Variants in KREMEN1 observed in about 807,000 individuals in gnomAD.
The protein encoded by KREMEN1 is kremen protein 1.
KREMEN1 carries 30 observed loss-of-function variants against 46.5 expected under a neutral mutation model. The observed-to-expected ratio is 0.65, with a 90% confidence interval of 0.48 to 0.88. The LOEUF (loss-of-function observed/expected upper bound fraction) is 0.88. Among genes scored for constraint, KREMEN1 ranks in the 40% least tolerant of loss-of-function variants. The pLI, the probability that KREMEN1 is intolerant of heterozygous loss-of-function variation, is 0.00. For missense variants in KREMEN1, 533 were observed against 596.9 expected (o/e 0.89, Z 1.11); for synonymous variants, 214 against 230.6 (o/e 0.93, Z 0.65).
chr22:29,136,531 C>T (rs1026299975), intron 5 of KREMEN1, among the ~76,000 whole-genome samples: 2 of 150,582 alleles, frequency 1.3e-5, no homozygotes, highest in African/African-American at 4.9e-5. Flanking sequence ...GCCGAGATCA[C>T]ACCACTGCAC....
intron 4 of KREMEN1, among the ~76,000 whole-genome samples, chr22:29,124,422 A>C (rs132268): frequency 0.73 from 110,542 of 152,058 alleles, 40,702 homozygotes; most frequent in East Asian, 0.93. Flanking sequence ...CTATAAAGCA[A>C]TAGTGCAAAG....
chr22:29,101,434 T>C (rs1481107300), intron 3 of KREMEN1, among the ~76,000 whole-genome samples: 3 of 152,182 alleles, frequency 2.0e-5, no homozygotes, highest in Non-Finnish European at 4.4e-5. Context: ...CAAGAAAAAT[T>C]ATTTTTAATG....
intron 1 of KREMEN1, among the ~76,000 whole-genome samples, chr22:29,081,806 T>A (rs2037659417): frequency 6.6e-6 from 1 of 152,256 alleles, no homozygotes; most frequent in Non-Finnish European, 1.5e-5. Flanking sequence ...TTAGGACTTA[T>A]CCCTGTGCCA....
At chr22:29,167,353 C>A in exon 10 of KREMEN1, 1 of 518,090 alleles carries the variant, frequency 1.9e-6, no homozygotes, top group Non-Finnish European at 3.5e-6. Flanking sequence ...AGCGGGACCT[C>A]GTCTCTAAGA....
chr22:29,082,107 A>G (rs2037664808), intron 1 of KREMEN1, among the ~76,000 whole-genome samples: 1 of 50,884 alleles, frequency 2.0e-5, no homozygotes, highest in African/African-American at 7.6e-5. Flanking sequence ...TGACCTTCAG[A>G]CAACATGGAA....
intron 3 of KREMEN1, among the ~76,000 whole-genome samples, chr22:29,110,391 C>T (rs941876536): frequency 2.0e-5 from 3 of 152,156 alleles, no homozygotes; most frequent in Admixed American, 6.5e-5. Flanking sequence ...TGGCAAGGCC[C>T]GATTTAAGAA....
At chr22:29,160,539 C>CAAAAAAAAAAAAAAAAA (rs132303) in intron 9 of KREMEN1, among the ~76,000 whole-genome samples, 2 of 103,506 alleles carry the variant, frequency 1.9e-5, no homozygotes, top group African/African-American at 7.3e-5. Flanking sequence ...GACTCCGTCT[C>CAAAAAAAAAAAAAAAAA]AAAAAAAAAA....
At chr22:29,120,049 T>G (rs55946744) in intron 3 of KREMEN1, among the ~76,000 whole-genome samples, 1 of 39,044 alleles carries the variant, frequency 2.6e-5, no homozygotes, top group Non-Finnish European at 4.8e-5. Flanking sequence ...GAGGTGATGA[T>G]GGAAACAGGG....
chr22:29,134,271 C>A (rs927920983), intron 5 of KREMEN1, among the ~76,000 whole-genome samples: 1 of 151,910 alleles, frequency 6.6e-6, no homozygotes, highest in Non-Finnish European at 1.5e-5. Context: ...GATCCTCCTG[C>A]GTCAGAACCC....
intron 5 of KREMEN1, 66 bp downstream of exon 5, chr22:29,125,482 G>C: frequency 6.6e-7 from 1 of 1,525,982 alleles, no homozygotes; most frequent in Non-Finnish European, 9.0e-7. Context: ...CAACAAGCCT[G>C]CCCACCCTCC....
intron 3 of KREMEN1, among the ~76,000 whole-genome samples, chr22:29,115,385 A>G (rs533700431): frequency 1.3e-5 from 2 of 152,198 alleles, no homozygotes; most frequent in South Asian, 2.1e-4. Flanking sequence ...CAAACTAAAG[A>G]ACTTACTCAT....
At chr22:29,095,096 C>A (rs1346205444) in intron 2 of KREMEN1, among the ~76,000 whole-genome samples, 1 of 152,182 alleles carries the variant, frequency 6.6e-6, no homozygotes. Context: ...CGTGGTCAGA[C>A]AGCACCATGT....
In KREMEN1 at chr22:29,146,083, A is replaced by G. The variant is rs2038855590; in HGVS notation, c.*3971A>G. 1 of 985,844 alleles carries G rather than the reference A, an allele frequency of 1.0e-6. No homozygotes were observed. The highest frequency in any genetic ancestry group is 1.2e-6 in the Non-Finnish European group (1 of 830,012). 61.1% of individuals were successfully genotyped at this position (985,844 alleles called of 1,614,324 possible). ...CTCCCTGGTCTGCTGAGGTCAGGCC[A>G]GGTCTCCCACGGAGCCGGGCAGCTC... On this transcript the variant is annotated 3_prime_UTR_variant, in exon 9 of 9. Coordinates refer to ENST00000400335, the MANE Select transcript of KREMEN1 (RefSeq NM_001039570.3).
At chr22:29,118,763 A>T (rs1490934858) in intron 3 of KREMEN1, among the ~76,000 whole-genome samples, 1 of 152,086 alleles carries the variant, frequency 6.6e-6, no homozygotes, top group African/African-American at 2.4e-5. Context: ...AGGGGGAAAA[A>T]ACCTTTTCCC....
At chr22:29,081,580 C>G (rs2037656438) in intron 1 of KREMEN1, among the ~76,000 whole-genome samples, 1 of 152,166 alleles carries the variant, frequency 6.6e-6, no homozygotes, top group Admixed American at 6.5e-5. Context: ...CAGAATTAAT[C>G]TGTTGGCCAC....
At chr22:29,109,424 A>G (rs1262048610) in intron 3 of KREMEN1, among the ~76,000 whole-genome samples, 2 of 152,258 alleles carry the variant, frequency 1.3e-5, no homozygotes, top group Non-Finnish European at 2.9e-5. Flanking sequence ...CACCAATCAT[A>G]TAAATAAGTG....
chr22:29,113,770 GC>G (rs1474696991), intron 3 of KREMEN1, among the ~76,000 whole-genome samples: 1 of 152,170 alleles, frequency 6.6e-6, no homozygotes, highest in Non-Finnish European at 1.5e-5. Flanking sequence ...AAGGGAGCAA[GC>G]AAAACCCACT....
At chr22:29,088,388 G>A (rs1285264896) in intron 1 of KREMEN1, among the ~76,000 whole-genome samples, 1 of 152,044 alleles carries the variant, frequency 6.6e-6, no homozygotes, top group Non-Finnish European at 1.5e-5. Context: ...TAGTGCCTTG[G>A]TGCGATCTTG....
intron 9 of KREMEN1, among the ~76,000 whole-genome samples, chr22:29,157,284 G>A (rs2038971209): frequency 6.6e-6 from 1 of 152,128 alleles, no homozygotes; most frequent in Non-Finnish European, 1.5e-5. Context: ...CTTTCCAGTG[G>A]GGGAGCCGAG....
Sources: allele counts gnomAD v4.1 joint callset (sites outside exome capture counted in the v4.1 genomes callset), GRCh38; gene constraint gnomAD v4.1.1; transcripts MANE v1.5; gene names NCBI Gene and HGNC (gene_info 2026-07-23, HGNC 2026-07-21).